The following ANO7 variants were observed in gnomAD, a reference collection of about 807,000 sequenced individuals.
The protein encoded by ANO7 is anoctamin-7.
Under a neutral mutation model 115.8 loss-of-function variants are expected in ANO7, and 114 were observed. The observed-to-expected ratio is 0.98, with a 90% confidence interval of 0.85 to 1.15. The LOEUF is 1.15. Ranked by LOEUF, ANO7 falls within the 50% of genes most tolerant of loss-of-function variation. The pLI is 0.00. For missense variants in ANO7, 1,302 were observed against 1,201.2 expected, an observed-to-expected ratio of 1.08 and a Z score of -1.24; for synonymous variants, 550 against 498.2, an observed-to-expected ratio of 1.10 and a Z score of -1.38.
intron 17 of ANO7, among the ~76,000 whole-genome samples, chr2:241,213,070 G>C (rs537714651): frequency 6.6e-6 from 1 of 152,332 alleles, no homozygotes; most frequent in East Asian, 1.9e-4. Context: ...CCTGAGAAAA[G>C]TGTGAGCCAT....
rs948394547 is a variant in ANO7 at position 241,221,488 on chromosome 2, G to C, written c.2322-1698G>C. Among the ~76,000 whole-genome samples the C allele has an allele frequency of 2.6e-5, 4 of 151,874 alleles. No homozygotes were observed. In the East Asian group the frequency reaches 5.8e-4, roughly 22 times the overall value. Reference sequence around the variant, plus strand: ...CCGCCTCCTGGGTTCTTGTGCATCAGCCTGCCAAGTAGCTGGGATTACAGG... The same window carrying C: ...CCGCCTCCTGGGTTCTTGTGCATCACCCTGCCAAGTAGCTGGGATTACAGG... On this transcript the variant is annotated intron_variant, in intron 21 of 24. Transcript: ENST00000674324.
intron 11 of ANO7, among the ~76,000 whole-genome samples, chr2:241,209,018 G>A (rs987177229): frequency 1.8e-4 from 28 of 152,172 alleles, no homozygotes; most frequent in Non-Finnish European, 2.8e-4. Context: ...GCGTGGTGGC[G>A]GGCGCCTGTA....
the ANO7 span, chr2:241,240,079 T>C: frequency 1.2e-6 from 2 of 1,614,178 alleles, no homozygotes; most frequent in Non-Finnish European, 1.7e-6. The surrounding 1 kb of genome is among the most constrained non-coding windows in gnomAD (Gnocchi z 5.5). Flanking sequence ...GAATTTGTGG[T>C]ATTCTGGCTT....
intron 19 of ANO7, 65 bp from the exon 20 acceptor site, chr2:241,217,621 G>A: frequency 6.6e-7 from 1 of 1,516,552 alleles, no homozygotes; most frequent in Non-Finnish European, 8.9e-7. Context: ...CCTCCGCGGG[G>A]GGCGCGTTCC....
chr2:241,230,972 G>C (rs2069670998), downstream of ANO7: 1 of 1,597,924 alleles, frequency 6.3e-7, no homozygotes, highest in African/African-American at 1.3e-5. This position sits in a 1 kb window ranked among gnomAD's most constrained non-coding sequence, Gnocchi z 5.0. Context: ...AGTCAGAAAA[G>C]GGGATGCCTT....
At chr2:241,238,873 C>T in the ANO7 span, 1 of 1,089,744 alleles carries the variant, frequency 9.2e-7, no homozygotes, top group Non-Finnish European at 1.3e-6. The surrounding 1 kb of genome is among the most constrained non-coding windows in gnomAD (Gnocchi z 4.9). Flanking sequence ...ACACCACCTT[C>T]CTCCCTGTCC....
chr2:241,202,967 G>T lies in ANO7; in HGVS notation c.724-366G>T, dbSNP rs564411374. Among the ~76,000 whole-genome samples, 5 of 152,126 alleles carry T rather than the reference G, an allele frequency of 3.3e-5. No individual in the cohort carries two copies. In the East Asian group the frequency reaches 5.8e-4, roughly 18 times the overall value. Reference sequence around the variant, plus strand: ...CCACCTTGCTGGGGTGGCTCCTCCCGCCAGCCAGGGCCCAGAATGCACAGC... The same window carrying T: ...CCACCTTGCTGGGGTGGCTCCTCCCTCCAGCCAGGGCCCAGAATGCACAGC... On this transcript the variant is annotated intron_variant, in intron 8 of 24. Transcript: ENST00000674324.
chr2:241,214,965 G>A lies in ANO7; in HGVS notation c.1826+63G>A, dbSNP rs1192490189. The A allele has an allele frequency of 2.1e-6, 3 of 1,459,432 alleles. No homozygotes were observed. The East Asian group carries it at 7.0e-5, about 34-fold the overall frequency. 90.4% of individuals were successfully genotyped at this position (1,459,432 alleles called of 1,614,324 possible). A position where few individuals can be genotyped will look rare whatever the true frequency, so the allele number is the denominator to read the frequency against. ...CCGAGGGACCCCAGAGCACCTGGCA[G>A]TAGCAGCCTCCAGCCCGGCCCTAGC... On this transcript the variant is annotated intron_variant, in intron 18 of 24. Coordinates refer to ENST00000674324, the MANE Select transcript of ANO7 (RefSeq NM_001370694.2).
intron 2 of ANO7, among the ~76,000 whole-genome samples, chr2:241,190,415 C>T (rs1395783005): frequency 6.6e-6 from 1 of 152,174 alleles, no homozygotes; most frequent in African/African-American, 2.4e-5. Context: ...ACAGGAGCTC[C>T]AGGAGGGTAA....
chr2:241,191,242 C>A lies in ANO7; in HGVS notation c.157C>A (p.Pro53Thr). Residue 53 changes from proline to threonine, a missense_variant, in exon 3 of 25, where the codon CCC (proline) becomes ACC (threonine). Pro to Thr is a conservative substitution (Grantham distance 38, BLOSUM62 -1). Coordinates refer to ENST00000674324, the MANE Select transcript of ANO7 (RefSeq NM_001370694.2). ...CTGCAGAGCTGGGAGTCCTGCCAAG[C>A]CCCGGATCGGTGAGCCCCTCCCAGC... is the stretch of plus-strand genomic sequence containing the variant. ...AACRAGSPAK[P>T]RIADFVLVWE... is the part of the protein sequence containing the mutation. 2 of 1,613,830 alleles carry A rather than the reference C, an allele frequency of 1.2e-6. No homozygotes were observed. Among genetic ancestry groups the A allele is most frequent in the South Asian group, 2.2e-5 (2 of 91,086 alleles).
rs375507696 is a variant in ANO7, at chr2:241,203,409, C to A, written c.800C>A (p.Ala267Glu). The stretch of plus-strand genomic sequence containing the variant: ...CGCCAAGTCCTTTTCCAGCACTGGG[C>A]GCGCTGGGGCAAGTGGAACAAGTAC... Reference protein sequence around the residue: ...NQRQVLFQHWARWGKWNKYQP... With the variant: ...NQRQVLFQHWERWGKWNKYQP... Residue 267 changes from alanine (A) to glutamate (E), a missense_variant, in exon 9 of 25, where the codon GCG becomes GAG. Transcript: ENST00000674324. This position sits in a 1 kb window ranked among gnomAD's most constrained non-coding sequence, Gnocchi z 4.8. The A allele has an allele frequency of 6.3e-7, 1 of 1,596,792 alleles. No individual in the cohort carries two copies. Among genetic ancestry groups the A allele is most frequent in the East Asian group, 2.3e-5 (1 of 43,184 alleles).
chr2:241,200,273 G>T (rs751192804), intron 6 of ANO7, 48 bp downstream of exon 6: 5 of 1,588,320 alleles, frequency 3.1e-6, no homozygotes, highest in Non-Finnish European at 4.3e-6. Context: ...GAGTGAGTGG[G>T]AGTCGGTGAA....
chr2:241,218,836 CTG>C (rs1190425724), intron 21 of ANO7, among the ~76,000 whole-genome samples: 1 of 152,194 alleles, frequency 6.6e-6, no homozygotes, highest in African/African-American at 2.4e-5. Context: ...AGGAACGTGA[CTG>C]TGGGCTACAT....
chr2:241,218,865 C>CAA (rs1231295793), intron 21 of ANO7, among the ~76,000 whole-genome samples: 1 of 152,192 alleles, frequency 6.6e-6, no homozygotes, highest in African/African-American at 2.4e-5. Context: ...GCTAACGGTA[C>CAA]AAAAAGTTTT....
chr2:241,229,784 G>GGGGCCCCCCCCCCCC, downstream of ANO7: 1 of 1,502,546 alleles, frequency 6.7e-7, no homozygotes, highest in Non-Finnish European at 9.1e-7. Context: ...AAGCCCGCCT[G>GGGGCCCCCCCCCCCC]CCCGCCCACC....
intron 24 of ANO7, 24 bp from the exon 25 acceptor site, chr2:241,224,073 C>G: frequency 1.2e-6 from 2 of 1,613,942 alleles, no homozygotes; most frequent in South Asian, 2.2e-5. Flanking sequence ...TCTGACTTGT[C>G]CCTGCCCCCA....
At chr2:241,237,178 G>C in the ANO7 span, among the ~76,000 whole-genome samples, 78 of 152,338 alleles carry the variant, frequency 5.1e-4, no homozygotes, top group African/African-American at 1.9e-3. Context: ...GGGCTCATCA[G>C]GGAAGGCGGC....
chr2:241,195,882 T>C (rs765995756), intron 4 of ANO7, 37 bp downstream of exon 4: 25 of 1,613,972 alleles, frequency 1.5e-5, no homozygotes, highest in Non-Finnish European at 2.0e-5. Flanking sequence ...CCCTAGGCCC[T>C]GCATCCACTC....
chr2:241,194,089 G>A (rs1396239754), intron 3 of ANO7, among the ~76,000 whole-genome samples: 6 of 151,852 alleles, frequency 4.0e-5, no homozygotes, highest in African/African-American at 1.5e-4. Flanking sequence ...TGGCCAGGCT[G>A]GTCTCGAACT....
Sources: gnomAD v4.1 joint callset for allele counts (sites outside exome capture counted in the v4.1 genomes callset) on GRCh38, gnomAD v4.1.1 for gene constraint, Gnocchi (gnomAD v3.1) non-coding constraint, MANE v1.5 for transcripts, NCBI Gene and HGNC (gene_info 2026-07-23, HGNC 2026-07-21) for gene names.